The following RIMS1 variants were observed in gnomAD, a reference collection of about 807,000 sequenced individuals.
RIMS1 encodes the protein regulating synaptic membrane exocytosis 1, also known as regulating synaptic membrane exocytosis protein 1.
A neutral mutation model predicts 214.1 loss-of-function variants in RIMS1; 83 were observed. That is an observed-to-expected ratio of 0.39 (90% CI 0.32 to 0.47). The LOEUF (loss-of-function observed/expected upper bound fraction) is 0.47. Among genes scored for constraint, RIMS1 ranks in the 20% least tolerant of loss-of-function variants. RIMS1 has a pLI of 0.99. For missense variants in RIMS1, 2,050 were observed against 2,161.8 expected (o/e 0.95, Z 1.03); for synonymous variants, 793 against 786.8 (o/e 1.01, Z -0.13).
chr6:72,005,734 G>A (rs1169516714), intron 2 of RIMS1, among the ~76,000 whole-genome samples: 1 of 152,150 alleles, frequency 6.6e-6, no homozygotes, highest in Admixed American at 6.5e-5. Context: ...ATGCTGGATG[G>A]CTCTTCTGAG....
intron 11 of RIMS1, among the ~76,000 whole-genome samples, chr6:72,246,083 C>A (rs976283781): frequency 1.3e-4 from 20 of 151,882 alleles, no homozygotes; most frequent in African/African-American, 4.4e-4. Context: ...AAAAAAAAAT[C>A]TTTACTGGGA....
intron 26 of RIMS1, among the ~76,000 whole-genome samples, chr6:72,300,979 G>A (rs1195059318): frequency 6.6e-6 from 1 of 151,598 alleles, no homozygotes; most frequent in East Asian, 1.9e-4. Flanking sequence ...TCTAAACATA[G>A]GTACTTTGCT....
intron 4 of RIMS1, among the ~76,000 whole-genome samples, chr6:72,164,717 A>G (rs2046015044): frequency 6.6e-6 from 1 of 152,194 alleles, no homozygotes; most frequent in Admixed American, 6.5e-5. Flanking sequence ...AAAAACAAAC[A>G]TGTCTCTCTC....
intron 22 of RIMS1, among the ~76,000 whole-genome samples, chr6:72,273,393 A>G (rs746667716): frequency 6.6e-6 from 1 of 152,102 alleles, no homozygotes; most frequent in Non-Finnish European, 1.5e-5. Context: ...ATATCTAGAG[A>G]AAAATATCCT....
intron 29 of RIMS1, among the ~76,000 whole-genome samples, chr6:72,385,345 T>C (rs1037132567): frequency 6.6e-6 from 1 of 152,240 alleles, no homozygotes; most frequent in African/African-American, 2.4e-5. Flanking sequence ...AATTACAGTA[T>C]ATGTACATAG....
intron 16 of RIMS1, among the ~76,000 whole-genome samples, chr6:72,256,187 A>G (rs1371277508): frequency 6.6e-6 from 1 of 152,146 alleles, no homozygotes; most frequent in Non-Finnish European, 1.5e-5. Flanking sequence ...AAATGCAAAG[A>G]ACTATAAATG....
At chr6:71,990,860 G>A (rs944501673) in intron 2 of RIMS1, among the ~76,000 whole-genome samples, 1 of 151,972 alleles carries the variant, frequency 6.6e-6, no homozygotes, top group Non-Finnish European at 1.5e-5. Context: ...GTTTCATTTC[G>A]AGTTTGATAG....
chr6:72,362,519 TGTAATGA>T (rs1401428247), intron 29 of RIMS1, among the ~76,000 whole-genome samples: 1 of 152,082 alleles, frequency 6.6e-6, no homozygotes, highest in Non-Finnish European at 1.5e-5. Flanking sequence ...TATACTTATG[TGTAATGA>T]GGGGGGAAGA....
intron 6 of RIMS1, among the ~76,000 whole-genome samples, chr6:72,195,574 A>G (rs1229001819): frequency 6.6e-6 from 1 of 152,130 alleles, no homozygotes; most frequent in Non-Finnish European, 1.5e-5. Flanking sequence ...GGTACCTGAC[A>G]ATCATTGGAG....
chr6:72,074,979 A>C (rs1470903736), intron 2 of RIMS1, among the ~76,000 whole-genome samples: 2 of 152,172 alleles, frequency 1.3e-5, no homozygotes, highest in African/African-American at 2.4e-5. Context: ...AAGACATCAA[A>C]TCTCACAGTA....
intron 6 of RIMS1, among the ~76,000 whole-genome samples, chr6:72,209,094 A>G (rs2053399007): frequency 1.3e-5 from 2 of 152,352 alleles, no homozygotes; most frequent in Admixed American, 6.5e-5. Flanking sequence ...TTGGATACTC[A>G]TATTCATTTA....
At chr6:72,252,326 G>A (rs1192709659) in intron 15 of RIMS1, among the ~76,000 whole-genome samples, 4 of 151,974 alleles carry the variant, frequency 2.6e-5, no homozygotes, top group Admixed American at 2.0e-4. Flanking sequence ...ATTTTATAAA[G>A]GGCCCTGATG....
chr6:72,222,905 T>C (rs2058969146), intron 6 of RIMS1, among the ~76,000 whole-genome samples: 1 of 152,228 alleles, frequency 6.6e-6, no homozygotes, highest in Non-Finnish European at 1.5e-5. Context: ...TTCATAGAGC[T>C]ACACACAGTA....
chr6:72,038,118 A>AAAATATATAT (rs1820399900), intron 2 of RIMS1, among the ~76,000 whole-genome samples: 1 of 13,420 alleles, frequency 7.5e-5, no homozygotes. Context: ...AAAAAAAAAA[A>AAAATATATAT]ATATATATAT....
intron 27 of RIMS1, among the ~76,000 whole-genome samples, chr6:72,312,502 G>T (rs2095560476): frequency 6.6e-6 from 1 of 151,982 alleles, no homozygotes. Context: ...AATAAGAGTA[G>T]CTTAACTGCT....
chr6:72,248,909 A>G (rs1485830967), intron 12 of RIMS1, among the ~76,000 whole-genome samples: 1 of 152,142 alleles, frequency 6.6e-6, no homozygotes, highest in Non-Finnish European at 1.5e-5. Flanking sequence ...TATCTTTGTA[A>G]TACCCTTTGG....
chr6:72,245,250 GTATATATAT>G (rs2068896706), intron 10 of RIMS1, among the ~76,000 whole-genome samples: 2 of 151,480 alleles, frequency 1.3e-5, no homozygotes. Flanking sequence ...GTATATATGT[GTATATATAT>G]TATATATTCA....
intron 29 of RIMS1, among the ~76,000 whole-genome samples, chr6:72,359,460 C>G (rs990846850): frequency 1.3e-5 from 2 of 152,000 alleles, no homozygotes; most frequent in Non-Finnish European, 2.9e-5. Flanking sequence ...CAGGCTGTTT[C>G]CCTAAAAGCA....
intron 1 of RIMS1, among the ~76,000 whole-genome samples, chr6:71,964,933 G>T (rs1794014923): frequency 6.6e-6 from 1 of 152,172 alleles, no homozygotes; most frequent in Non-Finnish European, 1.5e-5. Context: ...GTCTCTTCTT[G>T]TCTGTTTCTG....
Sources: gnomAD v4.1 joint callset for allele counts (sites outside exome capture counted in the v4.1 genomes callset) on GRCh38, gnomAD v4.1.1 for gene constraint, MANE v1.5 for transcripts, NCBI Gene and HGNC (gene_info 2026-07-23, HGNC 2026-07-21) for gene names.